CORO7: variants seen among roughly 807,000 people sequenced by gnomAD.
CORO7 encodes the protein coronin 7, also known as coronin-7.
CORO7 carries 107 observed loss-of-function variants against 126.6 expected under a neutral mutation model. That is an observed-to-expected ratio of 0.85 (90% CI 0.72 to 0.99). The LOEUF is 0.99. Ranked by LOEUF, CORO7 falls within the 50% of genes least tolerant of loss-of-function variation. CORO7 has a pLI of 0.00. For synonymous variants in CORO7, 603 were observed against 536.8 expected, an observed-to-expected ratio of 1.12 and a Z score of -1.70; for missense variants, 1,314 against 1,255.8, an observed-to-expected ratio of 1.05 and a Z score of -0.70.
At chr16:4,405,596 C>CG in intron 5 of CORO7, 29 bp from the exon 6 acceptor site, 1 of 1,604,626 alleles carries the variant, frequency 6.2e-7, no homozygotes, top group African/African-American at 1.3e-5. Flanking sequence ...AGTCAGGTCC[C>CG]GGGCAGTGAG....
chr16:4,379,401 C>T (rs1312633543), intron 9 of CORO7, among the ~76,000 whole-genome samples: 1 of 152,060 alleles, frequency 6.6e-6, no homozygotes, highest in East Asian at 1.9e-4. Context: ...ACCTGCCTGA[C>T]TTGGGCAGTG....
intron 9 of CORO7, chr16:4,380,854 C>T: frequency 1.4e-6 from 2 of 1,472,534 alleles, no homozygotes; most frequent in Non-Finnish European, 1.8e-6. Context: ...GTCTCTGCCT[C>T]CTCTCTGCTC....
chr16:4,405,506 C>T lies in CORO7; in HGVS notation c.549G>A (p.Val183=), dbSNP rs2141314513. The T allele has an allele frequency of 6.2e-7, 1 of 1,612,786 alleles. No individual in the cohort carries two copies. The highest frequency in any genetic ancestry group is 2.2e-5 in the East Asian group (1 of 44,872). ...GCCTGCTCACCTTGCACGCCGTGCCCACCAGGGCTCCATCTCGGCTCCAGA... is the reference window on the plus strand; with the variant it reads ...GCCTGCTCACCTTGCACGCCGTGCCTACCAGGGCTCCATCTCGGCTCCAGA... ...SAVWSRDGAL[V]GTACKDKQLR... Residue 183 remains valine, a synonymous_variant, in exon 6 of 28, where the codon GTG becomes GTA. Transcript: ENST00000251166.
chr16:4,413,945 G>A (rs2056310457), intron 1 of CORO7, among the ~76,000 whole-genome samples: 1 of 151,786 alleles, frequency 6.6e-6, no homozygotes, highest in African/African-American at 2.4e-5. Flanking sequence ...CAGCACTTTG[G>A]GAGGCTGAGG....
intron 9 of CORO7, chr16:4,382,194 G>C: frequency 2.5e-6 from 4 of 1,601,854 alleles, no homozygotes; most frequent in Admixed American, 1.7e-5. Flanking sequence ...TCACGGGCCT[G>C]TACTGTGAGA....
intron 1 of CORO7, chr16:4,415,969 G>T: frequency 2.5e-6 from 2 of 804,110 alleles, no homozygotes; most frequent in Non-Finnish European, 3.0e-6. Flanking sequence ...TGCGGCCGAG[G>T]GGCTCCCTCC....
intron 6 of CORO7, among the ~76,000 whole-genome samples, chr16:4,400,625 C>T (rs893939465): frequency 1.3e-5 from 2 of 150,966 alleles, no homozygotes; most frequent in African/African-American, 2.4e-5. Context: ...AAGAGTGAGA[C>T]TCTGTCTCAA....
intron 6 of CORO7, among the ~76,000 whole-genome samples, chr16:4,402,384 A>G (rs565134211): frequency 9.2e-5 from 14 of 152,118 alleles, no homozygotes; most frequent in Non-Finnish European, 1.6e-4. Context: ...GCCTGGGACC[A>G]CAGGCGCGTG....
intron 7 of CORO7, among the ~76,000 whole-genome samples, chr16:4,392,792 G>A (rs1458416897): frequency 6.6e-6 from 1 of 152,242 alleles, no homozygotes; most frequent in Non-Finnish European, 1.5e-5. Flanking sequence ...CTGGGCGGAA[G>A]TGGGGGGCAG....
chr16:4,392,650 C>A (rs1370507322), intron 7 of CORO7, among the ~76,000 whole-genome samples: 2 of 152,212 alleles, frequency 1.3e-5, no homozygotes, highest in African/African-American at 4.8e-5. Flanking sequence ...CCACACCCCA[C>A]TAGGCAGGAA....
In CORO7 at chr16:4,360,522, A is replaced by G; in HGVS notation, c.1944T>C (p.Asp648=). 2 of 1,610,078 alleles carry G rather than the reference A, an allele frequency of 1.2e-6. No homozygotes were observed. The highest frequency in any genetic ancestry group is 1.7e-6 in the Non-Finnish European group (2 of 1,178,682). ...DQIFSLAWSP[D]GQQLATVCKD... is the part of the protein sequence containing the mutation. The stretch of plus-strand genomic sequence containing the variant: ...TGCAGACAGTGGCCAGCTGCTGCCC[A>G]TCAGGACTCCAGGCCAGGCTGAAGA... Residue 648 remains aspartate (D), a synonymous_variant, in exon 20 of 28, where the codon GAT becomes GAC. Coordinates refer to ENST00000251166, the MANE Select transcript of CORO7 (RefSeq NM_024535.5).
rs1054834188 is a variant in CORO7 at position 4,365,689 on chromosome 16, C to T, written c.786-144G>A. On this transcript the variant is annotated intron_variant, in intron 9 of 27. Coordinates refer to ENST00000251166, the MANE Select transcript of CORO7 (RefSeq NM_024535.5). ...CATGTTCAGCCTGGTCCCCAGGAAC[C>T]CCCTCCTCTTCCTGAGCTTCCCACA... 8 of 1,096,490 alleles carry T rather than the reference C, an allele frequency of 7.3e-6. No homozygotes were observed. In the Admixed American group the frequency reaches 1.5e-4, roughly 21 times the overall value. The allele number at this position is 1,096,490 out of a possible 1,614,324, so 67.9% of individuals were successfully genotyped here.
intron 9 of CORO7, among the ~76,000 whole-genome samples, chr16:4,375,398 C>G (rs2054682518): frequency 6.6e-6 from 1 of 152,264 alleles, no homozygotes; most frequent in African/African-American, 2.4e-5. Flanking sequence ...CCTTTGCAAC[C>G]CTCTGTCCTG....
chr16:4,413,605 T>C, intron 1 of CORO7: 1 of 481,958 alleles, frequency 2.1e-6, no homozygotes, highest in Non-Finnish European at 3.7e-6. Context: ...TGGCGCGATC[T>C]TGGATCACTG....
chr16:4,383,289 T>G, intron 9 of CORO7: 1 of 229,226 alleles, frequency 4.4e-6, no homozygotes, highest in Non-Finnish European at 9.1e-6. Flanking sequence ...GGAGAGCGGG[T>G]AGGCGGCTGT....
intron 9 of CORO7, among the ~76,000 whole-genome samples, chr16:4,365,998 G>A (rs1460375881): frequency 2.0e-5 from 3 of 152,212 alleles, no homozygotes; most frequent in Non-Finnish European, 4.4e-5. Flanking sequence ...GAGCAGTGCA[G>A]GCAGCCCTGC....
chr16:4,412,729 G>C (rs2056260038), intron 2 of CORO7: 4 of 409,656 alleles, frequency 9.8e-6, no homozygotes, highest in Non-Finnish European at 1.8e-5. Context: ...GCTACCGTCA[G>C]CCACTTTTCG....
chr16:4,410,668 C>T (rs997798572), intron 3 of CORO7, among the ~76,000 whole-genome samples: 3 of 152,132 alleles, frequency 2.0e-5, no homozygotes, highest in Non-Finnish European at 2.9e-5. Flanking sequence ...TTCCAAAGAC[C>T]GTGTATTGTG....
At chr16:4,374,600 G>A (rs1356821336) in intron 9 of CORO7, among the ~76,000 whole-genome samples, 1 of 152,190 alleles carries the variant, frequency 6.6e-6, no homozygotes, top group Non-Finnish European at 1.5e-5. Flanking sequence ...TGGGCCCCGA[G>A]CCCGGCTGGG....
Sources: gnomAD v4.1 joint callset for allele counts (sites outside exome capture counted in the v4.1 genomes callset) on GRCh38, gnomAD v4.1.1 for gene constraint, MANE v1.5 for transcripts, NCBI Gene and HGNC (gene_info 2026-07-23, HGNC 2026-07-21) for gene names.